Variants in ALOX5 observed in about 807,000 individuals in gnomAD.
ALOX5 encodes the protein arachidonate 5-lipoxygenase.
Under a neutral mutation model 87.9 loss-of-function variants are expected in ALOX5, and 64 were observed. That is an observed-to-expected ratio of 0.73 (90% CI 0.60 to 0.90). The LOEUF is 0.90. Ranked by LOEUF, ALOX5 falls within the 40% of genes least tolerant of loss-of-function variation. The pLI, the probability that ALOX5 is intolerant of heterozygous loss-of-function variation, is 0.00. For missense variants in ALOX5, 822 were observed against 907.5 expected (o/e 0.91, Z 1.21); for synonymous variants, 388 against 355.1 (o/e 1.09, Z -1.04).
At chr10:45,431,384 A>C (rs1467029006) in intron 7 of ALOX5, among the ~76,000 whole-genome samples, 1 of 152,102 alleles carries the variant, frequency 6.6e-6, no homozygotes, top group African/African-American at 2.4e-5. Context: ...TGGTAATGCT[A>C]TGGTAGACCT....
Position 45,374,216 on chromosome 10 carries a change from A to G in ALOX5, c.-64A>G, listed in dbSNP as rs1839485647. ...AGTGGTGGGAGGAGGCTGCGGCGCT[A>G]GATGCGGACACCTGGACCGCCGCGC... On this transcript the variant is annotated 5_prime_UTR_variant, in exon 1 of 14. Transcript: ENST00000374391. The G allele has an allele frequency of 1.4e-5, 19 of 1,395,806 alleles. No homozygotes were observed. In the South Asian group the frequency reaches 2.7e-4, roughly 20 times the overall value. The allele number at this position is 1,395,806 out of a possible 1,614,324, so 86.5% of individuals were successfully genotyped here. A position where few individuals can be genotyped will look rare whatever the true frequency, so the allele number is the denominator to read the frequency against.
chr10:45,419,982 G>A (rs1841446198), intron 4 of ALOX5, among the ~76,000 whole-genome samples: 1 of 152,150 alleles, frequency 6.6e-6, no homozygotes, highest in Non-Finnish European at 1.5e-5. Context: ...AAAGCAAAGC[G>A]TGGGTTTGTA....
intron 3 of ALOX5, among the ~76,000 whole-genome samples, chr10:45,399,392 A>G (rs2132726059): frequency 6.6e-6 from 1 of 152,380 alleles, no homozygotes; most frequent in East Asian, 1.9e-4. Context: ...TTGTGTAAAA[A>G]TTAATACTAA....
chr10:45,409,685 T>C (rs183728712), intron 3 of ALOX5, among the ~76,000 whole-genome samples: 1 of 152,210 alleles, frequency 6.6e-6, no homozygotes, highest in African/African-American at 2.4e-5. Flanking sequence ...TTGTTCCTTC[T>C]GCCTGGGTGT....
chr10:45,438,136 T>A (rs1050411304), intron 7 of ALOX5, among the ~76,000 whole-genome samples: 2 of 152,180 alleles, frequency 1.3e-5, no homozygotes, highest in Admixed American at 6.5e-5. Context: ...CCTCTTTTTT[T>A]TTTTTTCATT....
At chr10:45,399,816 C>T (rs926262688) in intron 3 of ALOX5, among the ~76,000 whole-genome samples, 14 of 152,062 alleles carry the variant, frequency 9.2e-5, no homozygotes, top group Non-Finnish European at 1.6e-4. Flanking sequence ...CAAAAAACCC[C>T]GTTTAAAAAT....
At chr10:45,409,447 A>G (rs1840986917) in intron 3 of ALOX5, among the ~76,000 whole-genome samples, 1 of 152,194 alleles carries the variant, frequency 6.6e-6, no homozygotes, top group Admixed American at 6.5e-5. Context: ...TTGTGGTTAC[A>G]GAAAGTCTTT....
intron 1 of ALOX5, among the ~76,000 whole-genome samples, chr10:45,374,994 C>T (rs1839546172): frequency 6.6e-6 from 1 of 152,290 alleles, no homozygotes; most frequent in South Asian, 2.1e-4. Flanking sequence ...TCTGTCTGGG[C>T]CTCAGTTTCC....
chr10:45,375,892 G>A (rs1384216541), intron 1 of ALOX5, among the ~76,000 whole-genome samples: 1 of 152,210 alleles, frequency 6.6e-6, no homozygotes, highest in Admixed American at 6.5e-5. Context: ...TCCATTTAGG[G>A]TGATGGCACC....
At chr10:45,406,042 A>T (rs1009525618) in intron 3 of ALOX5, among the ~76,000 whole-genome samples, 39 of 152,248 alleles carry the variant, frequency 2.6e-4, no homozygotes, top group South Asian at 4.1e-4. Context: ...CTGGCATAGG[A>T]TGGCAGTCAT....
At chr10:45,433,896 G>A (rs1841986677) in intron 7 of ALOX5, among the ~76,000 whole-genome samples, 1 of 152,160 alleles carries the variant, frequency 6.6e-6, no homozygotes, top group African/African-American at 2.4e-5. Context: ...CCAGTGGATC[G>A]GTTTGGTGGG....
Position 45,425,132 on chromosome 10 carries a change from G to A in ALOX5, c.834G>A (p.Gln278=). 1.9e-6 allele frequency: 3 copies of A among 1,613,040 alleles called. No homozygotes were observed. The highest frequency in any genetic ancestry group is 2.5e-6 in the Non-Finnish European group (3 of 1,179,548). The part of the protein sequence containing the change: ...ERQLSLEQEV[Q]QGNIFIVDFE... ...AGCTCAGCTTGGAGCAGGAGGTCCA[G>A]GTAGGGGTTGATGGGCTGGGGAAGT... The change falls in exon 6 of 14, where the codon CAG becomes CAA. Residue 278 remains glutamine, a splice_region_variant and synonymous_variant. Coordinates refer to ENST00000374391, the MANE Select transcript of ALOX5 (RefSeq NM_000698.5). This position sits in a 1 kb window ranked among gnomAD's most constrained non-coding sequence, Gnocchi z 4.4.
At chr10:45,428,571 G>C in intron 6 of ALOX5, 47 bp from the exon 7 acceptor site, 1 of 1,608,224 alleles carries the variant, frequency 6.2e-7, no homozygotes, top group Non-Finnish European at 8.5e-7. Flanking sequence ...CTGATTTTTG[G>C]TCCGTCTGCT....
intron 12 of ALOX5, 101 bp downstream of exon 12, chr10:45,443,929 G>C: frequency 6.9e-7 from 1 of 1,457,020 alleles, no homozygotes; most frequent in Non-Finnish European, 9.3e-7. Context: ...GGACAGCCTC[G>C]GGGCCTGGCA....
chr10:45,394,526 A>G (rs1265731299), intron 2 of ALOX5, among the ~76,000 whole-genome samples: 1 of 152,234 alleles, frequency 6.6e-6, no homozygotes, highest in Non-Finnish European at 1.5e-5. Flanking sequence ...AGGCAATACC[A>G]TTCAGGACAT....
chr10:45,382,246 G>C (rs1164608129), intron 1 of ALOX5, among the ~76,000 whole-genome samples: 1 of 152,232 alleles, frequency 6.6e-6, no homozygotes, highest in Non-Finnish European at 1.5e-5. Context: ...TTGATGAAAA[G>C]AGTGTTACTT....
At chr10:45,383,229 G>A (rs11239500) in intron 2 of ALOX5, among the ~76,000 whole-genome samples, 3,794 of 152,354 alleles carry the variant, frequency 0.025, 132 homozygotes, top group African/African-American at 0.08. Context: ...CTCACCTTTC[G>A]CTGAAAGAAA....
intron 1 of ALOX5, among the ~76,000 whole-genome samples, chr10:45,380,422 C>T (rs567699588): frequency 4.6e-5 from 7 of 152,320 alleles, no homozygotes; most frequent in African/African-American, 9.6e-5. Flanking sequence ...AAACTGCTCA[C>T]GGTATTCAGA....
In ALOX5 at chr10:45,384,143, G is replaced by C. The variant is rs569711449; in HGVS notation, c.349+1462G>C. Among the ~76,000 whole-genome samples the C allele has an allele frequency of 7.2e-5, 11 of 152,354 alleles. No individual in the cohort carries two copies. In the East Asian group the frequency reaches 2.1e-3, roughly 29 times the overall value. ...CAGGGGGAGGGGGAAGGTTGTGGGA[G>C]TAATGCAGAAGTATCCTGGAGACAG... On this transcript the variant is annotated intron_variant, in intron 2 of 13. Coordinates refer to ENST00000374391, the MANE Select transcript of ALOX5 (RefSeq NM_000698.5).
Sources: allele counts gnomAD v4.1 joint callset (sites outside exome capture counted in the v4.1 genomes callset), GRCh38; gene constraint gnomAD v4.1.1; non-coding constraint Gnocchi (gnomAD v3.1); transcripts MANE v1.5; gene names NCBI Gene and HGNC (gene_info 2026-07-23, HGNC 2026-07-21).